Variants in OTOGL observed in about 807,000 individuals in gnomAD.
The protein encoded by OTOGL is otogelin like.
In OTOGL, 285 loss-of-function variants were observed where a neutral mutation model predicts 318.5. That is an observed-to-expected ratio of 0.89 (90% CI 0.81 to 0.99). The LOEUF is 0.99. Among genes scored for constraint, OTOGL ranks in the 50% least tolerant of loss-of-function variants. OTOGL has a pLI of 0.00. For synonymous variants in OTOGL, 987 were observed against 936.5 expected, an observed-to-expected ratio of 1.05 and a Z score of -0.99; for missense variants, 2,899 against 2,845.6, an observed-to-expected ratio of 1.02 and a Z score of -0.43.
rs371930039 is a variant in OTOGL, at chr12:80,265,162, G to A, written c.2176G>A (p.Gly726Ser). 2.9e-5 allele frequency: 47 copies of A among 1,613,684 alleles called. No homozygotes were observed. The highest frequency in any genetic ancestry group is 1.6e-4 in the Middle Eastern group (1 of 6,076). ...TCTTGCCCACTATGCCTACCTCTGC[G>A]GCCAGCACGGTGTTCCCATTGATTT... Reference protein sequence around the residue: ...NALAHYAYLCGQHGVPIDFRT... With the variant: ...NALAHYAYLCSQHGVPIDFRT... Residue 726 changes from glycine to serine, a missense_variant, in exon 20 of 59, where the codon GGC becomes AGC. Physicochemically the swap from Gly to Ser is moderately conservative, Grantham distance 56 (BLOSUM62 0). Coordinates refer to ENST00000547103, the MANE Select transcript of OTOGL (RefSeq NM_001378609.3).
intron 1 of OTOGL, among the ~76,000 whole-genome samples, chr12:80,182,926 A>T (rs545569115): frequency 6.6e-6 from 1 of 152,270 alleles, no homozygotes; most frequent in African/African-American, 2.4e-5. Context: ...AATCAGGGAA[A>T]CCCAAGGCTG....
At chr12:80,307,489 T>G (rs1261975506) in intron 29 of OTOGL, among the ~76,000 whole-genome samples, 3 of 142,018 alleles carry the variant, frequency 2.1e-5, no homozygotes, top group Non-Finnish European at 4.6e-5. Context: ...GCAGAGGGGC[T>G]CCTCACTTCC....
intron 45 of OTOGL, among the ~76,000 whole-genome samples, chr12:80,352,787 G>A (rs1370661498): frequency 1.3e-5 from 2 of 152,132 alleles, no homozygotes; most frequent in Non-Finnish European, 2.9e-5. Flanking sequence ...CACCATCTGA[G>A]CATTTAATTT....
At chr12:80,280,805 A>G (rs1884174640) in intron 26 of OTOGL, among the ~76,000 whole-genome samples, 1 of 151,750 alleles carries the variant, frequency 6.6e-6, no homozygotes, top group Admixed American at 6.6e-5. Flanking sequence ...TTTTAACAAT[A>G]TCGATTCTTC....
intron 1 of OTOGL, among the ~76,000 whole-genome samples, chr12:80,144,530 C>G (rs1443248420): frequency 6.7e-6 from 1 of 149,250 alleles, no homozygotes; most frequent in Non-Finnish European, 1.5e-5. Context: ...GTGCATGTGT[C>G]TTTATAGCAG....
chr12:80,110,472 G>A (rs140936249), intron 1 of OTOGL, among the ~76,000 whole-genome samples: 24 of 152,080 alleles, frequency 1.6e-4, no homozygotes, highest in African/African-American at 4.8e-4. Flanking sequence ...TCTCATTTTC[G>A]ACACCCACTT....
At chr12:80,118,774 T>C (rs1565866715) in intron 1 of OTOGL, among the ~76,000 whole-genome samples, 1 of 151,968 alleles carries the variant, frequency 6.6e-6, no homozygotes, top group Non-Finnish European at 1.5e-5. Context: ...AAGCTAAAAA[T>C]AGTATACTGG....
chr12:80,317,877 G>A (rs1399027723), intron 32 of OTOGL, among the ~76,000 whole-genome samples: 1 of 152,118 alleles, frequency 6.6e-6, no homozygotes, highest in Non-Finnish European at 1.5e-5. Context: ...TGATGTGGGG[G>A]CAAAGCTGTT....
intron 11 of OTOGL, among the ~76,000 whole-genome samples, chr12:80,244,784 C>T (rs1480901851): frequency 6.8e-6 from 1 of 146,822 alleles, no homozygotes; most frequent in Non-Finnish European, 1.5e-5. Flanking sequence ...GTCCCACCAA[C>T]AGTGTAAAAG....
intron 29 of OTOGL, among the ~76,000 whole-genome samples, chr12:80,309,915 G>A (rs564019340): frequency 3.3e-5 from 5 of 152,208 alleles, no homozygotes; most frequent in South Asian, 4.1e-4. Flanking sequence ...GCCAGGACGC[G>A]TGTACCGAAT....
intron 1 of OTOGL, among the ~76,000 whole-genome samples, chr12:80,149,911 C>G (rs928153773): frequency 6.6e-6 from 1 of 152,194 alleles, no homozygotes; most frequent in African/African-American, 2.4e-5. Flanking sequence ...CCTGCTTCGG[C>G]TCATGCACGG....
chr12:80,231,631 A>T (rs934139627), intron 8 of OTOGL, among the ~76,000 whole-genome samples: 1 of 151,720 alleles, frequency 6.6e-6, no homozygotes, highest in African/African-American at 2.4e-5. Flanking sequence ...TTTTTAAAAA[A>T]TATTTTTATT....
Position 80,318,607 on chromosome 12 carries a change from C to A in OTOGL, c.3696C>A (p.Ala1232=). 6.9e-7 allele frequency: 1 copy of A among 1,456,644 alleles called. No homozygotes were observed. Among genetic ancestry groups the A allele is most frequent in the Non-Finnish European group, 9.0e-7 (1 of 1,105,126 alleles). The allele number at this position is 1,456,644 out of a possible 1,614,324, so 90.2% of individuals were successfully genotyped here. Residue 1232 remains alanine (A), a synonymous_variant, in exon 33 of 59, where the codon GCC becomes GCA. Transcript: ENST00000547103. ...GGCAGAGTGGCCTTGTTCTGGGGGC[C>A]AATATGACCAGCAGAAGCGTTTTCT... is the stretch of plus-strand genomic sequence containing the variant. The part of the protein sequence containing the change: ...SYGQSGLVLG[A]NMTSRSVFCL...
At chr12:80,208,266 G>A (rs1278224657) in intron 1 of OTOGL, 1 of 510,892 alleles carries the variant, frequency 2.0e-6, no homozygotes, top group African/African-American at 1.9e-5. Context: ...AACACAAACA[G>A]GAAACTGTTT....
intron 3 of OTOGL, 106 bp downstream of exon 3, chr12:80,210,992 T>C (rs1353001229): frequency 2.2e-5 from 16 of 716,856 alleles, no homozygotes; most frequent in Non-Finnish European, 3.2e-5. Flanking sequence ...AGTGAAATGT[T>C]TTACAAAAAA....
At chr12:80,367,379 A>G (rs1890607123) in intron 53 of OTOGL, among the ~76,000 whole-genome samples, 182 bp from the exon 54 acceptor site, 1 of 152,094 alleles carries the variant, frequency 6.6e-6, no homozygotes, top group Admixed American at 6.6e-5. Flanking sequence ...ATGTTAAGGA[A>G]TAGTGTACTA....
At chr12:80,190,810 A>AG (rs1216952957) in intron 1 of OTOGL, among the ~76,000 whole-genome samples, 2 of 138,034 alleles carry the variant, frequency 1.4e-5, no homozygotes, top group East Asian at 4.4e-4. Flanking sequence ...AAAAAAAAAA[A>AG]AAAAAAGAGT....
In OTOGL at chr12:80,102,100, C is replaced by G. The variant is rs1236393944; in HGVS notation, c.-20+2495C>G. Among the ~76,000 whole-genome samples, 6 of 152,238 alleles carry G rather than the reference C, an allele frequency of 3.9e-5. No individual in the cohort carries two copies. In the South Asian group the frequency reaches 6.2e-4, roughly 16 times the overall value. On this transcript the variant is annotated intron_variant, in intron 1 of 58. Coordinates refer to ENST00000547103, the MANE Select transcript of OTOGL (RefSeq NM_001378609.3). ...TTGATAAATCCACTCAAACTCAATA[C>G]AAGTAGGATGCAGAATGCAGTGGTT... is the stretch of plus-strand genomic sequence containing the variant.
At chr12:80,296,418 TTA>T (rs1347016539) in intron 26 of OTOGL, among the ~76,000 whole-genome samples, 1 of 152,178 alleles carries the variant, frequency 6.6e-6, no homozygotes, top group African/African-American at 2.4e-5. Context: ...GAATTCTAAC[TTA>T]TAGACAAATA....
Sources: gnomAD v4.1 joint callset for allele counts (sites outside exome capture counted in the v4.1 genomes callset) on GRCh38, gnomAD v4.1.1 for gene constraint, MANE v1.5 for transcripts, NCBI Gene and HGNC (gene_info 2026-07-23, HGNC 2026-07-21) for gene names.